Variants in NUP188 observed in about 807,000 individuals in gnomAD.
NUP188 encodes nucleoporin 188, also known as nucleoporin NUP188.
A neutral mutation model predicts 223.0 loss-of-function variants in NUP188; 97 were observed. The ratio of observed to expected loss-of-function variants is 0.43; its 90% CI spans 0.37 to 0.51. The LOEUF (loss-of-function observed/expected upper bound fraction) is 0.51, where lower values mean the gene tolerates loss of function less well. Among genes scored for constraint, NUP188 ranks in the 20% least tolerant of loss-of-function variants. The pLI, the probability that NUP188 is intolerant of heterozygous loss-of-function variation, is 0.00. For synonymous variants in NUP188, 869 were observed against 828.0 expected, an observed-to-expected ratio of 1.05 and a Z score of -0.85; for missense variants, 1,947 against 2,175.6, an observed-to-expected ratio of 0.89 and a Z score of 2.09.
intron 8 of NUP188, among the ~76,000 whole-genome samples, chr9:128,966,308 G>A (rs1316344285): frequency 1.3e-5 from 2 of 151,568 alleles, no homozygotes; most frequent in Non-Finnish European, 2.9e-5. Flanking sequence ...GTATGTGTTA[G>A]AAGTCTCACT....
intron 1 of NUP188, chr9:128,947,957 G>A: frequency 2.5e-6 from 1 of 405,332 alleles, no homozygotes; most frequent in Non-Finnish European, 4.3e-6. Flanking sequence ...AGGGGGGCCG[G>A]CTCTTCACCC....
chr9:128,977,370 C>T (rs1027481407), intron 12 of NUP188, among the ~76,000 whole-genome samples: 3 of 151,966 alleles, frequency 2.0e-5, no homozygotes, highest in South Asian at 2.1e-4. Flanking sequence ...CTGCCTGCCT[C>T]GGCCTCCCAA....
chr9:129,002,437 A>C (rs879465061), intron 36 of NUP188, among the ~76,000 whole-genome samples: 6 of 152,186 alleles, frequency 3.9e-5, no homozygotes, highest in Admixed American at 3.3e-4. Flanking sequence ...AGTTTAACAG[A>C]TACCTCCTAA....
In NUP188 at chr9:128,994,860, G is replaced by A. The variant is rs764158798; in HGVS notation, c.3092G>A (p.Ser1031Asn). 6.2e-7 allele frequency: 1 copy of A among 1,613,356 alleles called. No individual in the cohort carries two copies. Among genetic ancestry groups the A allele is most frequent in the Non-Finnish European group, 8.5e-7 (1 of 1,179,434 alleles). The change falls in exon 29 of 44, where the codon AGC (serine) becomes AAC (asparagine). Residue 1031 changes from serine (S) to asparagine (N), a missense_variant. This residue lies in a region of NUP188 where 905 missense variants were observed against 990.6 expected (regional missense o/e 0.91). Transcript: ENST00000372577. ...LSPPSETSEP[S>N]ILETCALIMK... ...CCTGTTCTGCTATCTCCACAGCCCAGCATCCTGGAAACCTGTGCCCTAATC... is the reference window on the plus strand; with the variant it reads ...CCTGTTCTGCTATCTCCACAGCCCAACATCCTGGAAACCTGTGCCCTAATC...
chr9:128,996,336 G>C (rs1213728963), intron 30 of NUP188, among the ~76,000 whole-genome samples: 1 of 152,022 alleles, frequency 6.6e-6, no homozygotes, highest in Non-Finnish European at 1.5e-5. Flanking sequence ...TTTTCGTAGA[G>C]ATGGGGTTTC....
chr9:128,990,132 A>G lies in NUP188; in HGVS notation c.2546A>G (p.Asn849Ser). Reference sequence around the variant, plus strand: ...TGTGCTGCTTTAGGTGCTCATGGAAACAACCTCATTGCTGTTCTAGCCAAA... The same window carrying G: ...TGTGCTGCTTTAGGTGCTCATGGAAGCAACCTCATTGCTGTTCTAGCCAAA... ...QALSQHGAHG[N>S]NLIAVLAKYI... The change falls in exon 25 of 44, where the codon AAC becomes AGC. Residue 849 changes from asparagine to serine, a missense_variant. Around this residue, in one of 3 missense-constraint regions of NUP188, gnomAD observed 225 missense variants for 319.1 expected, o/e 0.71. Transcript: ENST00000372577. The G allele has an allele frequency of 6.2e-7, 1 of 1,613,828 alleles. No homozygotes were observed. The highest frequency in any genetic ancestry group is 8.5e-7 in the Non-Finnish European group (1 of 1,179,718).
chr9:128,992,708 A>G (rs1290240991), intron 25 of NUP188, among the ~76,000 whole-genome samples: 1 of 152,080 alleles, frequency 6.6e-6, no homozygotes, highest in African/African-American at 2.4e-5. Context: ...TCTGTCTTTC[A>G]CTATTACAAG....
intron 38 of NUP188, 150 bp from the exon 39 acceptor site, chr9:129,004,997 A>G (rs1395875576): frequency 1.5e-6 from 1 of 669,080 alleles, no homozygotes; most frequent in African/African-American, 1.8e-5. Flanking sequence ...GGAAGGAGGG[A>G]GAGAAGGGGA....
chr9:128,971,914 G>A lies in NUP188; in HGVS notation c.1113+956G>A, dbSNP rs1161624843. 3.3e-5 allele frequency among the ~76,000 whole-genome samples: 5 copies of A among 152,288 alleles called. No individual in the cohort carries two copies. The East Asian group carries it at 9.6e-4, about 29-fold the overall frequency. ...AGCCTCCCAAGTAGCTGGGATTACA[G>A]GCACCTGCCACCATGCCCGGCTATT... On this transcript the variant is annotated intron_variant, in intron 11 of 43. Transcript: ENST00000372577.
At chr9:128,963,657 T>C (rs1415711916) in intron 8 of NUP188, among the ~76,000 whole-genome samples, 1 of 152,148 alleles carries the variant, frequency 6.6e-6, no homozygotes, top group African/African-American at 2.4e-5. Context: ...TAAATAAGTA[T>C]ATAGTAATAT....
At chr9:128,950,143 G>A (rs914416076) in intron 2 of NUP188, among the ~76,000 whole-genome samples, 6 of 151,650 alleles carry the variant, frequency 4.0e-5, no homozygotes, top group African/African-American at 1.5e-4. Context: ...GGTCGGTCTT[G>A]AACTCCCGAC....
intron 12 of NUP188, among the ~76,000 whole-genome samples, chr9:128,978,630 C>A (rs1842212962): frequency 6.7e-6 from 1 of 150,228 alleles, no homozygotes; most frequent in South Asian, 2.1e-4. Flanking sequence ...GCACTCTAGT[C>A]TGGGTGATAG....
Position 128,996,134 on chromosome 9 carries a change from G to A in NUP188, c.3351+620G>A, listed in dbSNP as rs564226446. On this transcript the variant is annotated intron_variant, in intron 30 of 43. Transcript: ENST00000372577. ...ACTTGGTATTGAAGTGTTCTTTCTT[G>A]GGGTATCCAGATTAATTTTTTTTTT... Among the ~76,000 whole-genome samples the A allele has an allele frequency of 3.2e-4, 48 of 151,854 alleles. 1 individual carries two copies. In the South Asian group the frequency reaches 9.8e-3, roughly 31 times the overall value.
At chr9:128,968,159 G>A (rs543014889) in intron 8 of NUP188, among the ~76,000 whole-genome samples, 26 of 151,986 alleles carry the variant, frequency 1.7e-4, no homozygotes, top group African/African-American at 5.8e-4. Flanking sequence ...CTAACTACTC[G>A]AGAGGCTCAG....
At chr9:128,953,334 A>G (rs1387424601) in intron 3 of NUP188, among the ~76,000 whole-genome samples, 1 of 152,244 alleles carries the variant, frequency 6.6e-6, no homozygotes, top group African/African-American at 2.4e-5. Flanking sequence ...TTTATTGGGT[A>G]GTGGAAAACA....
intron 5 of NUP188, 140 bp downstream of exon 5, chr9:128,957,172 A>G: frequency 3.5e-6 from 2 of 564,764 alleles, no homozygotes; most frequent in South Asian, 5.2e-5. Context: ...GACCTACTAA[A>G]GGCTTTAAAA....
In NUP188 at chr9:128,986,177, CCTTT is replaced by C. The variant is rs369742444; in HGVS notation, c.2077-378_2077-375del. ...TATCAGATTTTTGCATATCAGATCTCCTTTCTAGTATTTCAGTGATGGGATTGAG... is the reference window on the plus strand; with the variant it reads ...TATCAGATTTTTGCATATCAGATCTCCTAGTATTTCAGTGATGGGATTGAG... On this transcript the variant is annotated intron_variant, in intron 20 of 43. Coordinates refer to ENST00000372577, the MANE Select transcript of NUP188 (RefSeq NM_015354.3). Among the ~76,000 whole-genome samples, 676 of 152,230 alleles carry C rather than the reference CCTTT, an allele frequency of 4.4e-3. 5 individuals are homozygous for C. Among genetic ancestry groups the C allele is most frequent in the Middle Eastern group, 0.017 (5 of 294 alleles).
intron 6 of NUP188, 59 bp downstream of exon 6, chr9:128,958,113 C>G: frequency 7.2e-7 from 1 of 1,383,302 alleles, no homozygotes; most frequent in African/African-American, 1.4e-5. Flanking sequence ...GCTTCTTGAC[C>G]TCATTTTCCT....
Position 129,003,430 on chromosome 9 carries a change from G to T in NUP188, c.4410G>T (p.Leu1470=). 6.2e-7 allele frequency: 1 copy of T among 1,612,020 alleles called. No individual in the cohort carries two copies. Residue 1470 remains leucine (L), a synonymous_variant, in exon 38 of 44, where the codon CTG becomes CTT. Coordinates refer to ENST00000372577, the MANE Select transcript of NUP188 (RefSeq NM_015354.3). ...TCATGAAGGAGTGGCACTTCCACCT[G>T]CCTCAGCTCATGCGTGATATCCAGG... ...SNFMKEWHFH[L]PQLMRDIQVN...
Sources: gnomAD v4.1 joint callset for allele counts (sites outside exome capture counted in the v4.1 genomes callset) on GRCh38, gnomAD v4.1.1 for gene constraint, gnomAD v4.1.1 regional missense constraint, MANE v1.5 for transcripts, NCBI Gene and HGNC (gene_info 2026-07-23, HGNC 2026-07-21) for gene names.